The following COG5 variants were observed in gnomAD, a reference collection of about 807,000 sequenced individuals.
The protein encoded by COG5 is component of oligomeric golgi complex 5.
A neutral mutation model predicts 110.4 loss-of-function variants in COG5; 86 were observed. The observed-to-expected ratio is 0.78, with a 90% CI of 0.65 to 0.93. The LOEUF is 0.93. Among genes scored for constraint, COG5 ranks in the 40% least tolerant of loss-of-function variants. COG5 has a pLI of 0.00. For missense variants in COG5, 1,077 were observed against 987.0 expected, an observed-to-expected ratio of 1.09 and a Z score of -1.22; for synonymous variants, 360 against 334.6, an observed-to-expected ratio of 1.08 and a Z score of -0.83.
At chr7:107,459,790 T>C (rs543165399) in intron 6 of COG5, among the ~76,000 whole-genome samples, 8 of 97,308 alleles carry the variant, frequency 8.2e-5, no homozygotes, top group Non-Finnish European at 1.6e-4. Flanking sequence ...AGCAAGATTC[T>C]GGCTCAGGGA....
At chr7:107,228,207 G>A (rs747496990) in intron 19 of COG5, among the ~76,000 whole-genome samples, 1 of 151,630 alleles carries the variant, frequency 6.6e-6, no homozygotes, top group African/African-American at 2.4e-5. Context: ...AGGCTGAGGC[G>A]GGAGGATCAC....
chr7:107,442,991 C>G (rs1172659893), intron 6 of COG5, among the ~76,000 whole-genome samples: 2 of 152,098 alleles, frequency 1.3e-5, no homozygotes, highest in African/African-American at 2.4e-5. Flanking sequence ...TCCCTTGCTG[C>G]AGGTCCATGA....
intron 6 of COG5, among the ~76,000 whole-genome samples, chr7:107,437,639 C>A (rs1794447937): frequency 6.6e-6 from 1 of 152,126 alleles, no homozygotes; most frequent in East Asian, 1.9e-4. Flanking sequence ...TTTTAATATA[C>A]ATTTCACATG....
Position 107,421,343 on chromosome 7 carries a change from A to G in COG5, c.539-8711T>C, listed in dbSNP as rs139492433. 1.2e-3 allele frequency among the ~76,000 whole-genome samples: 189 copies of G among 152,346 alleles called. 2 individuals are homozygous for G. The highest frequency in any genetic ancestry group is 4.3e-3 in the African/African-American group (179 of 41,588). On this transcript the variant is annotated intron_variant, in intron 6 of 21. Coordinates refer to ENST00000297135, the MANE Select transcript of COG5 (RefSeq NM_006348.5). Reference sequence around the variant, plus strand: ...GGATATATAAACAGTGACCACTACCATAAACTAAGGATCTAATTGACATCT... The same window carrying G: ...GGATATATAAACAGTGACCACTACCGTAAACTAAGGATCTAATTGACATCT...
intron 11 of COG5, among the ~76,000 whole-genome samples, chr7:107,311,682 C>T (rs948493305): frequency 2.6e-5 from 4 of 151,848 alleles, no homozygotes; most frequent in Non-Finnish European, 5.9e-5. Flanking sequence ...CGTGAGCCAC[C>T]GCGCCCGGCC....
At chr7:107,446,404 G>C (rs1219936319) in intron 6 of COG5, among the ~76,000 whole-genome samples, 1 of 152,154 alleles carries the variant, frequency 6.6e-6, no homozygotes, top group Non-Finnish European at 1.5e-5. Context: ...CTGACAGTTT[G>C]TCATCTTAGG....
chr7:107,277,000 G>C (rs986657804), intron 14 of COG5, among the ~76,000 whole-genome samples: 3 of 152,238 alleles, frequency 2.0e-5, no homozygotes, highest in African/African-American at 7.2e-5. Context: ...AAAGCCTATT[G>C]CTTAGAACTC....
At chr7:107,557,698 AAC>A (rs1181902301) in intron 2 of COG5, among the ~76,000 whole-genome samples, 1 of 152,202 alleles carries the variant, frequency 6.6e-6, no homozygotes, top group Non-Finnish European at 1.5e-5. Flanking sequence ...ATCTTTATCG[AAC>A]ACATCCTATT....
chr7:107,389,155 A>G (rs1584762077), intron 7 of COG5, among the ~76,000 whole-genome samples: 1 of 152,092 alleles, frequency 6.6e-6, no homozygotes, highest in South Asian at 2.1e-4. Context: ...CTGGGCAGAC[A>G]CCCGCTTCCC....
intron 6 of COG5, among the ~76,000 whole-genome samples, chr7:107,431,423 G>A (rs1314525698): frequency 6.6e-6 from 1 of 152,080 alleles, no homozygotes; most frequent in Non-Finnish European, 1.5e-5. Flanking sequence ...TTTACAACTG[G>A]CAAATCTAGG....
At chr7:107,550,468 G>A (rs937440748) in intron 3 of COG5, among the ~76,000 whole-genome samples, 3 of 151,922 alleles carry the variant, frequency 2.0e-5, no homozygotes, top group Non-Finnish European at 2.9e-5. Flanking sequence ...CCTTATCTAC[G>A]ATCCTCTCCC....
chr7:107,215,166 CATAG>C (rs1584529600), intron 19 of COG5, among the ~76,000 whole-genome samples: 1 of 151,952 alleles, frequency 6.6e-6, no homozygotes, highest in Admixed American at 6.5e-5. Flanking sequence ...ACAAAACATA[CATAG>C]AAAGAATTCA....
At chr7:107,361,925 C>T in intron 10 of COG5, 108 bp downstream of exon 10, 2 of 720,704 alleles carry the variant, frequency 2.8e-6, no homozygotes, top group South Asian at 1.6e-5. Context: ...TCTCTATTGC[C>T]ATCTGATATG....
At chr7:107,475,112 G>GT in intron 6 of COG5, 1 of 1,612,058 alleles carries the variant, frequency 6.2e-7, no homozygotes, top group Non-Finnish European at 8.5e-7. Flanking sequence ...TTAAGATTGT[G>GT]TTTTTTAGTC....
chr7:107,499,161 G>A (rs1032856242), intron 6 of COG5, among the ~76,000 whole-genome samples: 2 of 152,088 alleles, frequency 1.3e-5, no homozygotes, highest in African/African-American at 4.8e-5. Context: ...AAGAAATGAG[G>A]AGTTGTTAAT....
intron 6 of COG5, among the ~76,000 whole-genome samples, chr7:107,477,431 T>C (rs1485417623): frequency 6.6e-6 from 1 of 151,686 alleles, no homozygotes; most frequent in East Asian, 1.9e-4. Flanking sequence ...AAAAAAGAGA[T>C]TTCTAATATA....
chr7:107,254,906 A>G (rs1222936858), intron 16 of COG5, among the ~76,000 whole-genome samples: 2 of 152,194 alleles, frequency 1.3e-5, no homozygotes, highest in Non-Finnish European at 2.9e-5. Flanking sequence ...GTGGGTCAGT[A>G]TCGTAATGTT....
chr7:107,219,352 T>C lies in COG5; in HGVS notation c.2169-8127A>G, dbSNP rs369052390. Reference sequence around the variant, plus strand: ...CCACTTGAGTACATATCCTAAAGACTTGAAATTGGCATGTTGAACAGATAG... The same window carrying C: ...CCACTTGAGTACATATCCTAAAGACCTGAAATTGGCATGTTGAACAGATAG... On this transcript the variant is annotated intron_variant, in intron 19 of 21. Transcript: ENST00000297135. Among the ~76,000 whole-genome samples the C allele has an allele frequency of 9.2e-4, 140 of 152,296 alleles. 1 individual carries two copies. In the Middle Eastern group the frequency reaches 0.017, roughly 19 times the overall value.
intron 7 of COG5, among the ~76,000 whole-genome samples, chr7:107,394,717 T>C (rs1790865074): frequency 6.6e-6 from 1 of 152,042 alleles, no homozygotes; most frequent in African/African-American, 2.4e-5. Flanking sequence ...ATAATTGAAA[T>C]TAGAAATAAA....
Sources: gnomAD v4.1 joint callset for allele counts (sites outside exome capture counted in the v4.1 genomes callset) on GRCh38, gnomAD v4.1.1 for gene constraint, MANE v1.5 for transcripts, NCBI Gene and HGNC (gene_info 2026-07-23, HGNC 2026-07-21) for gene names.